The following CDH2 variants were observed in gnomAD, a reference collection of about 807,000 sequenced individuals.
The protein encoded by CDH2 is cadherin 2.
In CDH2, 17 loss-of-function variants were observed where a neutral mutation model predicts 92.0. The ratio of observed to expected loss-of-function variants is 0.18; its 90% confidence interval spans 0.13 to 0.28. The LOEUF (loss-of-function observed/expected upper bound fraction) is 0.28. Among genes scored for constraint, CDH2 ranks in the 10% least tolerant of loss-of-function variants. CDH2 has a pLI of 1.00. For synonymous variants in CDH2, 419 were observed against 415.9 expected (o/e 1.01, Z -0.09); for missense variants, 862 against 1,133.1 (o/e 0.76, Z 3.44).
intron 1 of CDH2, among the ~76,000 whole-genome samples, chr18:28,175,369 A>G (rs949664326): frequency 6.4e-4 from 97 of 152,236 alleles, no homozygotes; most frequent in African/African-American, 2.2e-3. Context: ...AAAGAACAAA[A>G]GAAGAAATCC....
At chr18:28,164,972 G>A (rs2016357355) in intron 1 of CDH2, among the ~76,000 whole-genome samples, 2 of 152,196 alleles carry the variant, frequency 1.3e-5, no homozygotes, top group South Asian at 4.1e-4. Flanking sequence ...TGGAACACTG[G>A]TGGTAGGTAG....
In CDH2 at chr18:28,083,298, C is replaced by T. The variant is rs375198057; in HGVS notation, c.172+64375G>A. ...TACTAATAGACAAATAGCCAAAAAT[C>T]ACTTGGAAAACAGAACTAAGAAGAA... On this transcript the variant is annotated intron_variant, in intron 2 of 15. Coordinates refer to ENST00000269141, the MANE Select transcript of CDH2 (RefSeq NM_001792.5). Among the ~76,000 whole-genome samples, 57 of 152,218 alleles carry T rather than the reference C, an allele frequency of 3.7e-4. 1 individual carries two copies. The East Asian group carries it at 9.7e-3, about 26-fold the overall frequency.
intron 14 of CDH2, among the ~76,000 whole-genome samples, chr18:27,967,615 A>G (rs2011561977): frequency 6.6e-6 from 1 of 152,240 alleles, no homozygotes; most frequent in Admixed American, 6.5e-5. Flanking sequence ...CAATTTTCAA[A>G]CAAAGGCCAA....
chr18:28,017,981 G>A (rs2013299683), intron 2 of CDH2, among the ~76,000 whole-genome samples: 1 of 152,082 alleles, frequency 6.6e-6, no homozygotes, highest in Admixed American at 6.6e-5. Flanking sequence ...AACTGTCGCT[G>A]TTTGCTGAAG....
chr18:28,163,389 A>T (rs2016334333), intron 1 of CDH2, among the ~76,000 whole-genome samples: 1 of 152,254 alleles, frequency 6.6e-6, no homozygotes, highest in African/African-American at 2.4e-5. Flanking sequence ...ACAGTGTTCC[A>T]TCACCTGGGA....
At chr18:28,136,511 T>A (rs898143079) in intron 2 of CDH2, among the ~76,000 whole-genome samples, 2 of 152,130 alleles carry the variant, frequency 1.3e-5, no homozygotes, top group Non-Finnish European at 2.9e-5. Flanking sequence ...ATTCAAATAT[T>A]TAAAAACAAA....
At chr18:28,103,433 G>A (rs2015265902) in intron 2 of CDH2, among the ~76,000 whole-genome samples, 1 of 142,044 alleles carries the variant, frequency 7.0e-6, no homozygotes. Context: ...ATACATATAT[G>A]AAGTATGTTT....
chr18:28,041,705 A>G (rs2013951311), intron 2 of CDH2, among the ~76,000 whole-genome samples: 1 of 152,154 alleles, frequency 6.6e-6, no homozygotes, highest in African/African-American at 2.4e-5. Flanking sequence ...CTGCCTCAAC[A>G]TTGTTTTTAT....
At chr18:28,129,054 T>A (rs796665723) in intron 2 of CDH2, among the ~76,000 whole-genome samples, 3 of 152,324 alleles carry the variant, frequency 2.0e-5, no homozygotes, top group African/African-American at 7.2e-5. Flanking sequence ...TTCAGATATA[T>A]CCCAGTCCAC....
intron 2 of CDH2, among the ~76,000 whole-genome samples, chr18:28,058,518 A>C (rs1019283455): frequency 6.6e-6 from 1 of 152,222 alleles, no homozygotes; most frequent in Non-Finnish European, 1.5e-5. Flanking sequence ...TTCCCTAGGA[A>C]CAGATGACAT....
chr18:28,111,985 A>G (rs1423339306), intron 2 of CDH2, among the ~76,000 whole-genome samples: 2 of 152,240 alleles, frequency 1.3e-5, no homozygotes, highest in African/African-American at 4.8e-5. Context: ...CCTCTGCCAC[A>G]CATATTCTTC....
chr18:28,155,907 C>A (rs1390901322), intron 1 of CDH2, among the ~76,000 whole-genome samples: 1 of 152,164 alleles, frequency 6.6e-6, no homozygotes, highest in Non-Finnish European at 1.5e-5. Flanking sequence ...GTCAGTAATG[C>A]CACTGATGGC....
chr18:28,037,038 A>G (rs1180512853), intron 2 of CDH2, among the ~76,000 whole-genome samples: 1 of 152,120 alleles, frequency 6.6e-6, no homozygotes, highest in Non-Finnish European at 1.5e-5. Context: ...TGAAAAGTCA[A>G]TAATATATAT....
intron 2 of CDH2, among the ~76,000 whole-genome samples, chr18:28,063,468 G>T (rs1159355775): frequency 6.6e-6 from 1 of 152,174 alleles, no homozygotes; most frequent in Admixed American, 6.5e-5. Context: ...CTGGAGCAAA[G>T]AAAAATAGGG....
chr18:28,000,017 CT>C (rs1467710116), intron 7 of CDH2, among the ~76,000 whole-genome samples: 5 of 152,102 alleles, frequency 3.3e-5, no homozygotes, highest in African/African-American at 1.2e-4. Context: ...TGTAGGCTTC[CT>C]GAGGCCTCCC....
chr18:28,167,537 G>T (rs2016404181), intron 1 of CDH2, among the ~76,000 whole-genome samples: 1 of 152,040 alleles, frequency 6.6e-6, no homozygotes, highest in Non-Finnish European at 1.5e-5. Context: ...ACACAAAAGA[G>T]AATATGGTTT....
At chr18:27,998,674 C>T (rs779481864) in intron 7 of CDH2, among the ~76,000 whole-genome samples, 7 of 152,120 alleles carry the variant, frequency 4.6e-5, no homozygotes, top group Admixed American at 6.5e-5. Context: ...TGCAGTGGCA[C>T]GATTATGGCT....
chr18:27,995,425 G>A (rs1208344935), intron 7 of CDH2, among the ~76,000 whole-genome samples: 2 of 151,836 alleles, frequency 1.3e-5, no homozygotes, highest in African/African-American at 4.8e-5. Context: ...GTTAGTGAGA[G>A]AATTTCGCAG....
chr18:28,048,802 G>A (rs999854303), intron 2 of CDH2, among the ~76,000 whole-genome samples: 2 of 152,120 alleles, frequency 1.3e-5, no homozygotes, highest in African/African-American at 4.8e-5. Flanking sequence ...AACAGAAACA[G>A]CAGAGCGTGA....
Sources: gnomAD v4.1 joint callset for allele counts (sites outside exome capture counted in the v4.1 genomes callset) on GRCh38, gnomAD v4.1.1 for gene constraint, MANE v1.5 for transcripts, NCBI Gene and HGNC (gene_info 2026-07-23, HGNC 2026-07-21) for gene names.